The following DNAL4 variants were observed in gnomAD, a reference collection of about 807,000 sequenced individuals.
DNAL4 encodes the protein dynein axonemal light chain 4.
A neutral mutation model predicts 12.6 loss-of-function variants in DNAL4; 10 were observed. The ratio of observed to expected loss-of-function variants is 0.79; its 90% CI spans 0.49 to 1.34. DNAL4 has a LOEUF of 1.34. Ranked by LOEUF, DNAL4 falls within the 40% of genes most tolerant of loss-of-function variation. DNAL4 has a pLI of 0.00. For missense variants in DNAL4, 128 were observed against 138.1 expected, an observed-to-expected ratio of 0.93 and a Z score of 0.37; for synonymous variants, 46 against 53.1, an observed-to-expected ratio of 0.87 and a Z score of 0.58.
At chr22:38,789,658 A>G (rs544830725) in intron 1 of DNAL4, among the ~76,000 whole-genome samples, 24 of 152,298 alleles carry the variant, frequency 1.6e-4, no homozygotes, top group African/African-American at 5.8e-4. Context: ...ATGGAGACCA[A>G]CAGGCATACA....
chr22:38,788,574 C>T (rs1233134261), intron 1 of DNAL4, among the ~76,000 whole-genome samples: 1 of 152,186 alleles, frequency 6.6e-6, no homozygotes, highest in South Asian at 2.1e-4. Flanking sequence ...GTGACATTGA[C>T]TCACACATGC....
chr22:38,781,110 G>C (rs2093033675), intron 2 of DNAL4, 101 bp from the exon 3 acceptor site: 9 of 1,342,750 alleles, frequency 6.7e-6, no homozygotes, highest in African/African-American at 1.4e-5. Context: ...TGGACAGCAG[G>C]TAGCCTCCCT....
chr22:38,790,523 T>C (rs1418800559), intron 1 of DNAL4, among the ~76,000 whole-genome samples: 3 of 152,138 alleles, frequency 2.0e-5, no homozygotes, highest in Non-Finnish European at 1.5e-5. Flanking sequence ...ATTTCAGAGC[T>C]GCAAAGTTTA....
rs1294996970 is a variant in DNAL4 at position 38,779,305 on chromosome 22, C to T, written c.*144G>A. 1.8e-5 allele frequency: 19 copies of T among 1,081,780 alleles called. No individual in the cohort carries two copies. Among genetic ancestry groups the T allele is most frequent in the Non-Finnish European group, 2.3e-5 (18 of 781,736 alleles). 67.0% of individuals were successfully genotyped at this position (1,081,780 alleles called of 1,614,324 possible). On this transcript the variant is annotated 3_prime_UTR_variant, in exon 4 of 4. Transcript: ENST00000216068. This position sits in a 1 kb window ranked among gnomAD's most constrained non-coding sequence, Gnocchi z 4.3. ...GGAGATGTCAAGTTCACACACTGGG[C>T]GTGGCTCAGGAAACTGGTACACAAA...
rs1412276956 is a variant in DNAL4, at chr22:38,782,673, G to A, written c.59C>T (p.Pro20Leu). 2 of 1,613,386 alleles carry A rather than the reference G, an allele frequency of 1.2e-6. No individual in the cohort carries two copies. The highest frequency in any genetic ancestry group is 1.7e-5 in the Admixed American group (1 of 59,918). The change falls in exon 2 of 4, where the codon CCT becomes CTT. Residue 20 changes from proline to leucine, a missense_variant. Pro to Leu is a moderately conservative substitution (Grantham distance 98). Coordinates refer to ENST00000216068, the MANE Select transcript of DNAL4 (RefSeq NM_005740.3). The surrounding 1 kb of genome is among the most constrained non-coding windows in gnomAD (Gnocchi z 5.1). ...TCCCCTGGGGCTTACCCTGACCAGA[G>A]GGAAGGTCTGCAGTCGCTTATAATC... ...EADYKRLQTF[P>L]LVRHSDMPEE...
intron 1 of DNAL4, among the ~76,000 whole-genome samples, chr22:38,790,122 G>C (rs576886947): frequency 2.2e-4 from 34 of 152,202 alleles, no homozygotes; most frequent in African/African-American, 8.2e-4. Flanking sequence ...CAAAAGTGTT[G>C]GGATTACAAG....
At position 38,782,901 on chromosome 22, in the gene DNAL4, G is replaced by A. The variant is rs1189042351; in HGVS notation, c.-139-31C>T. On this transcript the variant is annotated intron_variant, in intron 1 of 3. Transcript: ENST00000216068. The surrounding 1 kb of genome is among the most constrained non-coding windows in gnomAD (Gnocchi z 5.1). ...GAAAACAGGAGAAACCAGAAAAAAAGAGCTGGCTTCAAAACCATACATCGC... is the reference window on the plus strand; with the variant it reads ...GAAAACAGGAGAAACCAGAAAAAAAAAGCTGGCTTCAAAACCATACATCGC... 24 of 563,852 alleles carry A rather than the reference G, an allele frequency of 4.3e-5. No homozygotes were observed. The highest frequency in any genetic ancestry group is 2.1e-4 in the South Asian group (8 of 37,618). 34.9% of individuals were successfully genotyped at this position (563,852 alleles called of 1,614,324 possible).
rs2093030145 is a variant in DNAL4 at position 38,779,028 on chromosome 22, A to T, written c.*421T>A. ...ATCTCCTTCTTGGGGCCATTTTCAT[A>T]TGACCACTAATGACAAGGACGGCCG... On this transcript the variant is annotated 3_prime_UTR_variant, in exon 4 of 4. Coordinates refer to ENST00000216068, the MANE Select transcript of DNAL4 (RefSeq NM_005740.3). This position sits in a 1 kb window ranked among gnomAD's most constrained non-coding sequence, Gnocchi z 4.3. 6.4e-6 allele frequency: 1 copy of T among 156,806 alleles called. No individual in the cohort carries two copies. Among genetic ancestry groups the T allele is most frequent in the Admixed American group, 6.4e-5 (1 of 15,518 alleles). 9.7% of individuals were successfully genotyped at this position (156,806 alleles called of 1,614,324 possible).
In DNAL4 at chr22:38,780,866, C is replaced by T. The variant is rs572257072; in HGVS notation, c.153+60G>A. 3 of 1,581,304 alleles carry T rather than the reference C, an allele frequency of 1.9e-6. No individual in the cohort carries two copies. The Admixed American group carries it at 5.1e-5, about 27-fold the overall frequency. On this transcript the variant is annotated intron_variant, in intron 3 of 3. Transcript: ENST00000216068. ...AGCCAACTGCAGGGAACAGGGGCCA[C>T]TTTATTCACCCACAGGGGCCATCAA... is the stretch of plus-strand genomic sequence containing the variant.
chr22:38,784,313 T>C (rs1045895655), intron 1 of DNAL4, among the ~76,000 whole-genome samples: 1 of 152,098 alleles, frequency 6.6e-6, no homozygotes, highest in Non-Finnish European at 1.5e-5. Context: ...CTCAGCTCGT[T>C]AGCGACACAG....
At chr22:38,783,783 A>C (rs972551010) in intron 1 of DNAL4, among the ~76,000 whole-genome samples, 6 of 152,180 alleles carry the variant, frequency 3.9e-5, no homozygotes, top group Non-Finnish European at 8.8e-5. Flanking sequence ...GAATTCAAAG[A>C]AACAGTGCCT....
Position 38,782,606 on chromosome 22 carries a change from T to A in DNAL4, c.69+57A>T. ...CTGCAAGGGACAAGCTCCACCCACC[T>A]CTCTCCAGGCTGTGTGGGCCCTGCC... On this transcript the variant is annotated intron_variant, in intron 2 of 3. Transcript: ENST00000216068. The surrounding 1 kb of genome is among the most constrained non-coding windows in gnomAD (Gnocchi z 5.1). The A allele has an allele frequency of 7.0e-6, 11 of 1,577,690 alleles. No homozygotes were observed. The highest frequency in any genetic ancestry group is 9.6e-6 in the Non-Finnish European group (11 of 1,151,790).
intron 1 of DNAL4, among the ~76,000 whole-genome samples, chr22:38,793,159 A>G (rs558757290): frequency 9.2e-5 from 14 of 152,302 alleles, no homozygotes; most frequent in African/African-American, 3.1e-4. Flanking sequence ...CTGTATTTCA[A>G]TCTCCATCTG....
At chr22:38,789,665 T>TAC in intron 1 of DNAL4, among the ~76,000 whole-genome samples, 1 of 152,268 alleles carries the variant, frequency 6.6e-6, no homozygotes, top group South Asian at 2.1e-4. Flanking sequence ...CCAACAGGCA[T>TAC]ACACAAGGAA....
At chr22:38,788,387 G>A (rs1030084958) in intron 1 of DNAL4, among the ~76,000 whole-genome samples, 1 of 152,140 alleles carries the variant, frequency 6.6e-6, no homozygotes, top group Non-Finnish European at 1.5e-5. Flanking sequence ...TCAAACACAC[G>A]AAGTTGTTTT....
rs1363516203 is a variant in DNAL4, at chr22:38,784,542, ACT to A, written c.-139-1674_-139-1673del. Among the ~76,000 whole-genome samples, 4 of 126,438 alleles carry A rather than the reference ACT, an allele frequency of 3.2e-5. No homozygotes were observed. In the East Asian group the frequency reaches 6.7e-4, roughly 21 times the overall value. 82.9% of individuals were successfully genotyped at this position (126,438 alleles called of 152,430 possible). On this transcript the variant is annotated intron_variant, in intron 1 of 3. Coordinates refer to ENST00000216068, the MANE Select transcript of DNAL4 (RefSeq NM_005740.3). ...TTTTTTTTTCTTGAGACGGAGTCTCACTCTGTCGCCCAGGCTGGAGTGCAGTG... is the reference window on the plus strand; with the variant it reads ...TTTTTTTTTCTTGAGACGGAGTCTCACTGTCGCCCAGGCTGGAGTGCAGTG...
intron 1 of DNAL4, among the ~76,000 whole-genome samples, chr22:38,791,904 C>T (rs1201534368): frequency 2.0e-5 from 3 of 151,138 alleles, no homozygotes; most frequent in Non-Finnish European, 4.4e-5. Context: ...GGGGTTTCAC[C>T]ATGTTGGGCA....
At position 38,779,926 on chromosome 22, in the gene DNAL4, G is replaced by A. The variant is rs2093031740; in HGVS notation, c.154-313C>T. On this transcript the variant is annotated intron_variant, in intron 3 of 3. Coordinates refer to ENST00000216068, the MANE Select transcript of DNAL4 (RefSeq NM_005740.3). The surrounding 1 kb of genome is among the most constrained non-coding windows in gnomAD (Gnocchi z 4.3). ...TCTGCACTTAGTGCGGGCTTCCTGG[G>A]CCAGTGCCACCTCCCTCAGATGTAA... is the stretch of plus-strand genomic sequence containing the variant. Among the ~76,000 whole-genome samples the A allele has an allele frequency of 6.6e-6, 1 of 152,152 alleles. No homozygotes were observed. The highest frequency in any genetic ancestry group is 2.4e-5 in the African/African-American group (1 of 41,424).
In DNAL4 at chr22:38,782,860, C is replaced by A; in HGVS notation, c.-129G>T. 4 of 811,496 alleles carry A rather than the reference C, an allele frequency of 4.9e-6. No homozygotes were observed. Among genetic ancestry groups the A allele is most frequent in the Non-Finnish European group, 7.5e-6 (4 of 530,934 alleles). 50.3% of individuals were successfully genotyped at this position (811,496 alleles called of 1,614,324 possible). On this transcript the variant is annotated 5_prime_UTR_variant, in exon 2 of 4. Transcript: ENST00000216068. This position sits in a 1 kb window ranked among gnomAD's most constrained non-coding sequence, Gnocchi z 5.1. ...TCGGTGGGAGCAGAAAATGTCTTTC[C>A]CCGGGGGGTGCTGCAGAAAACAGGA... is the stretch of plus-strand genomic sequence containing the variant.
Sources: gnomAD v4.1 joint callset for allele counts (sites outside exome capture counted in the v4.1 genomes callset) on GRCh38, gnomAD v4.1.1 for gene constraint, Gnocchi (gnomAD v3.1) non-coding constraint, MANE v1.5 for transcripts, NCBI Gene and HGNC (gene_info 2026-07-23, HGNC 2026-07-21) for gene names.